FAM149B1: variants seen among roughly 807,000 people sequenced by gnomAD.
FAM149B1 encodes the protein primary cilium assembly protein FAM149B1.
In FAM149B1, 56 loss-of-function variants were observed where a neutral mutation model predicts 75.3. The ratio of observed to expected loss-of-function variants is 0.74; its 90% CI spans 0.60 to 0.93. The LOEUF (loss-of-function observed/expected upper bound fraction) is 0.93. FAM149B1 is among the 40% of genes least tolerant of loss of function. The pLI is 0.00. For missense variants in FAM149B1, 639 were observed against 708.4 expected, an observed-to-expected ratio of 0.90 and a Z score of 1.11; for synonymous variants, 259 against 256.1, an observed-to-expected ratio of 1.01 and a Z score of -0.11.
At chr10:73,208,874 TTA>T in intron 6 of FAM149B1, 88 bp downstream of exon 6, 3 of 785,214 alleles carry the variant, frequency 3.8e-6, no homozygotes, top group Non-Finnish European at 5.4e-6. Context: ...CCAATGTATA[TTA>T]TTAAATATAT....
chr10:73,180,323 T>C (rs11000541), intron 3 of FAM149B1, among the ~76,000 whole-genome samples: 23,986 of 152,072 alleles, frequency 0.16, 3,156 homozygotes, highest in African/African-American at 0.34. Flanking sequence ...TTGCAACTGA[T>C]AAAAGGTCAG....
At chr10:73,223,101 CCGTG>C (rs376789221) in intron 7 of FAM149B1, among the ~76,000 whole-genome samples, 1 of 152,090 alleles carries the variant, frequency 6.6e-6, no homozygotes, top group African/African-American at 2.4e-5. Flanking sequence ...GCCTGGATGA[CCGTG>C]CAAGACCCTG....
chr10:73,244,238 G>C lies in FAM149B1; in HGVS notation c.*3219G>C. The C allele has an allele frequency of 6.6e-6, 2 of 304,906 alleles. No homozygotes were observed. Among genetic ancestry groups the C allele is most frequent in the Non-Finnish European group, 1.2e-5 (2 of 163,592 alleles). The allele number at this position is 304,906 out of a possible 1,614,324, so 18.9% of individuals were successfully genotyped here. A position where few individuals can be genotyped will look rare whatever the true frequency, so the allele number is the denominator to read the frequency against. ...AGGCCGGGTATGGTGGCTCACAACTGTAATCCCCATACCTTGGGAGGCCAA... is the reference window on the plus strand; with the variant it reads ...AGGCCGGGTATGGTGGCTCACAACTCTAATCCCCATACCTTGGGAGGCCAA... On this transcript the variant is annotated 3_prime_UTR_variant, in exon 14 of 14. Coordinates refer to ENST00000242505, the MANE Select transcript of FAM149B1 (RefSeq NM_173348.2).
At position 73,242,766 on chromosome 10, in the gene FAM149B1, C is replaced by T. The variant is rs2043968610; in HGVS notation, c.*1747C>T. The T allele has an allele frequency of 6.6e-6, 1 of 152,202 alleles. No individual in the cohort carries two copies. The highest frequency in any genetic ancestry group is 2.4e-5 in the African/African-American group (1 of 41,424). The allele number at this position is 152,202 out of a possible 1,614,324, so 9.4% of individuals were successfully genotyped here. ...TTCCCCTTTTCTCTCATCCTAAACA[C>T]CATTCATATTTTTCCTAGGTCACAT... On this transcript the variant is annotated 3_prime_UTR_variant, in exon 14 of 14. Coordinates refer to ENST00000242505, the MANE Select transcript of FAM149B1 (RefSeq NM_173348.2).
At chr10:73,181,823 A>G (rs886316356) in intron 3 of FAM149B1, among the ~76,000 whole-genome samples, 3 of 152,198 alleles carry the variant, frequency 2.0e-5, no homozygotes, top group Non-Finnish European at 4.4e-5. Flanking sequence ...AATCTGTGCA[A>G]TGCTGAAAGT....
At chr10:73,239,738 A>G (rs559685290) in intron 13 of FAM149B1, among the ~76,000 whole-genome samples, 13 of 151,830 alleles carry the variant, frequency 8.6e-5, no homozygotes, top group African/African-American at 2.9e-4. Flanking sequence ...CATAGCATGG[A>G]TTTTATTATG....
chr10:73,200,300 C>G (rs2033649467), intron 5 of FAM149B1: 1 of 361,896 alleles, frequency 2.8e-6, no homozygotes, highest in Non-Finnish European at 5.4e-6. Context: ...CCATTGCACT[C>G]CATCCAGCCT....
At chr10:73,212,859 CTG>C (rs765706550) in intron 7 of FAM149B1, among the ~76,000 whole-genome samples, 3 of 148,200 alleles carry the variant, frequency 2.0e-5, no homozygotes, top group African/African-American at 5.0e-5. Flanking sequence ...CTCTCTCTCT[CTG>C]TGTTTCTCTC....
rs571576836 is a variant in FAM149B1, at chr10:73,193,702, G to C, written c.542+109G>C. 6 of 1,030,548 alleles carry C rather than the reference G, an allele frequency of 5.8e-6. No individual in the cohort carries two copies. The South Asian group carries it at 1.2e-4, about 20-fold the overall frequency. The allele number at this position is 1,030,548 out of a possible 1,614,324, so 63.8% of individuals were successfully genotyped here. A position where few individuals can be genotyped will look rare whatever the true frequency, so the allele number is the denominator to read the frequency against. ...ACTTCTTCCTACTTATTAGTATTTA[G>C]TAAAGCATAGCAAATTCTGTAAGAT... is the stretch of plus-strand genomic sequence containing the variant. On this transcript the variant is annotated intron_variant, in intron 5 of 13. Coordinates refer to ENST00000242505, the MANE Select transcript of FAM149B1 (RefSeq NM_173348.2).
intron 5 of FAM149B1, among the ~76,000 whole-genome samples, chr10:73,195,199 A>G (rs1346128121): frequency 6.6e-6 from 1 of 152,122 alleles, no homozygotes. Flanking sequence ...AGTTGTAGTA[A>G]TACTTACTTT....
intron 5 of FAM149B1, among the ~76,000 whole-genome samples, chr10:73,208,286 G>A (rs2043111806): frequency 6.6e-6 from 1 of 152,250 alleles, no homozygotes; most frequent in Non-Finnish European, 1.5e-5. Context: ...CTCCAGAACT[G>A]TGAGCCTATT....
intron 9 of FAM149B1, chr10:73,230,803 C>G (rs994748950): frequency 1.5e-5 from 4 of 259,512 alleles, no homozygotes; most frequent in African/African-American, 6.5e-5. Flanking sequence ...ATGACAGCCC[C>G]AAAGCATTCT....
Position 73,239,329 on chromosome 10 carries a change from T to C in FAM149B1, c.1620T>C (p.Arg540=), listed in dbSNP as rs1324794135. 6.4e-7 allele frequency: 1 copy of C among 1,551,562 alleles called. No individual in the cohort carries two copies. The highest frequency in any genetic ancestry group is 8.7e-7 in the Non-Finnish European group (1 of 1,146,954). Residue 540 remains arginine, a synonymous_variant, in exon 13 of 14, where the codon CGT becomes CGC. Coordinates refer to ENST00000242505, the MANE Select transcript of FAM149B1 (RefSeq NM_173348.2). ...TCTTGTAGCTGGATACACAGTATCG[T>C]CGCTCATGTGCAGTTGAGTATCCTC... ...TQSFLLDTQY[R]RSCAVEYPHQ...
In FAM149B1 at chr10:73,237,310, G is replaced by A. The variant is rs143597425; in HGVS notation, c.1602+1992G>A. Among the ~76,000 whole-genome samples, 330 of 152,268 alleles carry A rather than the reference G, an allele frequency of 2.2e-3. 7 individuals carry two copies. The highest frequency in any genetic ancestry group is 7.1e-3 in the African/African-American group (296 of 41,546). On this transcript the variant is annotated intron_variant, in intron 12 of 13. Coordinates refer to ENST00000242505, the MANE Select transcript of FAM149B1 (RefSeq NM_173348.2). ...ATTTCTGATTCTTGGGGTTCAGTGT[G>A]AACCCCAGAAAGTTTGAGAACTTCT...
intron 9 of FAM149B1, 114 bp from the exon 10 acceptor site, chr10:73,232,825 T>C: frequency 1.6e-6 from 1 of 644,332 alleles, no homozygotes; most frequent in East Asian, 2.7e-5. Context: ...TTTTTATTTT[T>C]GCTTTATTTC....
At chr10:73,182,771 A>G (rs1057176797) in intron 3 of FAM149B1, among the ~76,000 whole-genome samples, 2 of 152,224 alleles carry the variant, frequency 1.3e-5, no homozygotes, top group Non-Finnish European at 2.9e-5. Flanking sequence ...GATATTGTGG[A>G]GCAGAGATAA....
At chr10:73,183,099 G>T (rs2042439251) in intron 3 of FAM149B1, among the ~76,000 whole-genome samples, 1 of 152,308 alleles carries the variant, frequency 6.6e-6, no homozygotes, top group Middle Eastern at 3.4e-3. Context: ...TGGTCCCACT[G>T]TGCTGAGGAG....
intron 3 of FAM149B1, among the ~76,000 whole-genome samples, chr10:73,190,927 C>G (rs997627608): frequency 1.2e-4 from 19 of 152,112 alleles, no homozygotes; most frequent in African/African-American, 4.1e-4. Context: ...TGATGTTGCC[C>G]AGGCTGGTCT....
intron 1 of FAM149B1, chr10:73,168,812 G>GA (rs1255609050): frequency 6.1e-6 from 1 of 165,036 alleles, no homozygotes; most frequent in Non-Finnish European, 1.3e-5. Context: ...AAAGATCCCA[G>GA]AATTAAAGAT....
Sources: gnomAD v4.1 joint callset for allele counts (sites outside exome capture counted in the v4.1 genomes callset) on GRCh38, gnomAD v4.1.1 for gene constraint, MANE v1.5 for transcripts, NCBI Gene and HGNC (gene_info 2026-07-23, HGNC 2026-07-21) for gene names.